The following RANBP2 variants were observed in gnomAD, a reference collection of about 807,000 sequenced individuals.
RANBP2 encodes the protein E3 SUMO-protein ligase RanBP2.
Under a neutral mutation model 303.6 loss-of-function variants are expected in RANBP2, and 57 were observed. The observed-to-expected ratio is 0.19, with a 90% CI of 0.15 to 0.23. RANBP2 has a LOEUF of 0.23. Ranked by LOEUF, RANBP2 falls within the 10% of genes least tolerant of loss-of-function variation. The pLI, the probability that RANBP2 is intolerant of heterozygous loss-of-function variation, is 1.00. For synonymous variants in RANBP2, 1,167 were observed against 1,301.5 expected (o/e 0.90, Z 2.23); for missense variants, 3,138 against 3,780.8 (o/e 0.83, Z 4.46).
At chr2:109,327,217 A>G in the RANBP2 span, among the ~76,000 whole-genome samples, 1 of 152,182 alleles carries the variant, frequency 6.6e-6, no homozygotes, top group South Asian at 2.1e-4. Flanking sequence ...TAGAAATAAT[A>G]TTGTATATAG....
the RANBP2 span, among the ~76,000 whole-genome samples, chr2:109,109,632 T>A: frequency 6.6e-6 from 1 of 152,326 alleles, no homozygotes; most frequent in South Asian, 2.1e-4. Context: ...TGTTTTCTAT[T>A]TATGTGATAT....
chr2:108,746,823 A>G (rs1256985964), intron 8 of RANBP2, 25 bp downstream of exon 8: 1 of 624,318 alleles, frequency 1.6e-6, no homozygotes, highest in Non-Finnish European at 2.9e-6. Flanking sequence ...AAACTAATTT[A>G]ATTTAAAAAG....
chr2:109,515,161 G>T, the RANBP2 span, among the ~76,000 whole-genome samples: 1 of 152,206 alleles, frequency 6.6e-6, no homozygotes, highest in Non-Finnish European at 1.5e-5. Context: ...ACCAATGGCG[G>T]CCAGGGCCAG....
At chr2:109,172,378 C>T in the RANBP2 span, among the ~76,000 whole-genome samples, 2 of 152,218 alleles carry the variant, frequency 1.3e-5, no homozygotes, top group Non-Finnish European at 2.9e-5. Flanking sequence ...GGAGCTCAGC[C>T]GTCCTCTCCC....
chr2:109,562,729 G>A, the RANBP2 span, among the ~76,000 whole-genome samples: 1 of 152,238 alleles, frequency 6.6e-6, no homozygotes, highest in South Asian at 2.1e-4. Context: ...AAGTGACCCT[G>A]AGACTTGGAA....
chr2:109,121,865 A>C, the RANBP2 span, among the ~76,000 whole-genome samples: 1 of 152,100 alleles, frequency 6.6e-6, no homozygotes, highest in Non-Finnish European at 1.5e-5. Flanking sequence ...CCTCTAACTT[A>C]TGTGTCTAAA....
chr2:109,463,835 T>G, the RANBP2 span, among the ~76,000 whole-genome samples: 2 of 152,192 alleles, frequency 1.3e-5, no homozygotes, highest in Non-Finnish European at 1.5e-5. Flanking sequence ...GGAGGCCCCT[T>G]TCTCCCTGTC....
chr2:109,472,473 G>A, the RANBP2 span, among the ~76,000 whole-genome samples: 2 of 152,192 alleles, frequency 1.3e-5, no homozygotes, highest in African/African-American at 4.8e-5. Flanking sequence ...GGCTTGGCAA[G>A]CTGGCAGCCA....
chr2:109,679,568 C>G, the RANBP2 span, among the ~76,000 whole-genome samples: 1 of 152,322 alleles, frequency 6.6e-6, no homozygotes, highest in Non-Finnish European at 1.5e-5. Flanking sequence ...GGAGGCATGA[C>G]CCTAAGGCTC....
At chr2:109,533,364 T>C in the RANBP2 span, among the ~76,000 whole-genome samples, 1 of 152,214 alleles carries the variant, frequency 6.6e-6, no homozygotes, top group Non-Finnish European at 1.5e-5. Context: ...TCTCTGTGTA[T>C]CTTTAAAAGA....
chr2:109,311,572 A>G, the RANBP2 span, among the ~76,000 whole-genome samples: 29 of 152,330 alleles, frequency 1.9e-4, no homozygotes, highest in Non-Finnish European at 3.2e-4. Flanking sequence ...TGCAGACGAC[A>G]TGATTGTATA....
At chr2:109,503,263 T>C in the RANBP2 span, 1 of 152,204 alleles carries the variant, frequency 6.6e-6, no homozygotes, top group African/African-American at 2.4e-5. Flanking sequence ...GAAACTAGCC[T>C]TTGGTAACAT....
the RANBP2 span, among the ~76,000 whole-genome samples, chr2:109,357,042 G>A: frequency 2.0e-5 from 3 of 151,920 alleles, no homozygotes; most frequent in African/African-American, 7.3e-5. Context: ...ATACTGGATA[G>A]ACTGTTACCT....
chr2:109,393,885 GA>G, the RANBP2 span, among the ~76,000 whole-genome samples: 7 of 145,814 alleles, frequency 4.8e-5, no homozygotes, highest in South Asian at 4.3e-4. Context: ...CCTTTTTTAA[GA>G]AAAAAAAAAC....
chr2:109,529,087 C>T, the RANBP2 span, among the ~76,000 whole-genome samples: 1 of 152,216 alleles, frequency 6.6e-6, no homozygotes, highest in Non-Finnish European at 1.5e-5. Flanking sequence ...GAGGCCATGG[C>T]TGCGGCTCCA....
chr2:109,342,779 G>A, the RANBP2 span, among the ~76,000 whole-genome samples: 3 of 152,200 alleles, frequency 2.0e-5, no homozygotes, highest in Non-Finnish European at 4.4e-5. Flanking sequence ...CCACGTGAGC[G>A]CCATCTCCAC....
the RANBP2 span, among the ~76,000 whole-genome samples, chr2:109,214,259 C>T: frequency 2.0e-5 from 3 of 151,998 alleles, no homozygotes; most frequent in Non-Finnish European, 4.4e-5. Flanking sequence ...TAAGATCACC[C>T]AAAGGGAGTG....
At chr2:109,141,726 C>T in the RANBP2 span, 26 of 154,646 alleles carry the variant, frequency 1.7e-4, no homozygotes, top group African/African-American at 6.0e-4. Context: ...GCAAAATAGT[C>T]ATTTTCTAGA....
At chr2:108,724,151 G>A (rs1452490645) in intron 1 of RANBP2, among the ~76,000 whole-genome samples, 1 of 152,106 alleles carries the variant, frequency 6.6e-6, no homozygotes, top group Non-Finnish European at 1.5e-5. Flanking sequence ...AAGTAGATGA[G>A]AGGTTTTTTT....
Sources: allele counts gnomAD v4.1 joint callset (sites outside exome capture counted in the v4.1 genomes callset), GRCh38; gene constraint gnomAD v4.1.1; transcripts MANE v1.5; gene names NCBI Gene and HGNC (gene_info 2026-07-23, HGNC 2026-07-21).